Variants in MGAM2 observed in about 807,000 individuals in gnomAD.
MGAM2 encodes the protein maltase-glucoamylase 2 (putative).
MGAM2 carries 98 observed loss-of-function variants against 96.1 expected under a neutral mutation model. The observed-to-expected ratio is 1.02, with a 90% confidence interval of 0.87 to 1.21. The LOEUF (loss-of-function observed/expected upper bound fraction) is 1.21. Among genes scored for constraint, MGAM2 ranks in the 50% most tolerant of loss-of-function variants. MGAM2 has a pLI of 0.00. For missense variants in MGAM2, 2,055 were observed against 1,182.4 expected (o/e 1.74, Z -10.82); for synonymous variants, 749 against 414.8 (o/e 1.81, Z -9.79).
At chr7:142,118,742 AG>A (rs2129073936) in intron 2 of MGAM2, among the ~76,000 whole-genome samples, 1 of 152,338 alleles carries the variant, frequency 6.6e-6, no homozygotes, top group South Asian at 2.1e-4. Flanking sequence ...AAGAAAAAAC[AG>A]TAAGAAAAAA....
In MGAM2 at chr7:142,196,228, G is replaced by C. The variant is rs561493278; in HGVS notation, c.4421G>C (p.Gly1474Ala). 11 of 1,008,130 alleles carry C rather than the reference G, an allele frequency of 1.1e-5. No individual in the cohort carries two copies. In the African/African-American group the frequency reaches 1.6e-4, roughly 15 times the overall value. 62.4% of individuals were successfully genotyped at this position (1,008,130 alleles called of 1,614,324 possible). A position where few individuals can be genotyped will look rare whatever the true frequency, so the allele number is the denominator to read the frequency against. The change falls in exon 38 of 48, where the codon GGA becomes GCA. Residue 1474 changes from glycine to alanine, a missense_variant. Gly to Ala is a moderately conservative substitution (Grantham distance 60, BLOSUM62 0). Transcript: ENST00000477922. ...RSTFPSSGRW[G>A]GHRLGNNTAA... ...ACATTTCCCTCTTCTGGACGCTGGG[G>C]AGGACACCGGTTGGGAAACAACACA...
chr7:142,183,949 C>CTTT (rs1563281526), intron 33 of MGAM2, among the ~76,000 whole-genome samples: 6 of 83,196 alleles, frequency 7.2e-5, no homozygotes, highest in African/African-American at 1.5e-4. Context: ...ATTCCAGGCT[C>CTTT]CTTTTTTTTT....
Position 142,148,089 on chromosome 7 carries a change from ACACACACACATG to A in MGAM2, c.1634+526_1634+537del, listed in dbSNP as rs1795441618. On this transcript the variant is annotated intron_variant, in intron 15 of 47. Coordinates refer to ENST00000477922, the MANE Select transcript of MGAM2 (RefSeq NM_001293626.2). This position sits in a 1 kb window ranked among gnomAD's most constrained non-coding sequence, Gnocchi z 4.2. ...TCATAATTCTCCCTTCTGCCCTAAG[ACACACACACATG>A]CACACACACGTGCACACACAACTAT... 6.6e-6 allele frequency among the ~76,000 whole-genome samples: 1 copy of A among 151,912 alleles called. No individual in the cohort carries two copies. The highest frequency in any genetic ancestry group is 2.1e-4 in the South Asian group (1 of 4,808).
Position 142,185,115 on chromosome 7 carries a change from C to G in MGAM2, c.3963C>G (p.Ser1321=), listed in dbSNP as rs1444236211. 3 of 702,802 alleles carry G rather than the reference C, an allele frequency of 4.3e-6. No individual in the cohort carries two copies. In the South Asian group the frequency reaches 4.4e-5, roughly 10 times the overall value. The allele number at this position is 702,802 out of a possible 1,614,324, so 43.5% of individuals were successfully genotyped here. ...PDLPNVIVDG[S]LDHETQVKLY... is the part of the protein sequence containing the mutation. ...TGCCTAATGTAATTGTAGATGGATC[C>G]CTTGACCATGAAACTCAGGTTAAGG... Residue 1321 remains serine, a synonymous_variant, in exon 34 of 48, where the codon TCC becomes TCG. Coordinates refer to ENST00000477922, the MANE Select transcript of MGAM2 (RefSeq NM_001293626.2).
chr7:142,180,085 G>A (rs1415848598), intron 32 of MGAM2, among the ~76,000 whole-genome samples: 1 of 151,990 alleles, frequency 6.6e-6, no homozygotes, highest in African/African-American at 2.4e-5. Context: ...TCAGTCTTGG[G>A]AGGTTGTGTG....
intron 38 of MGAM2, 99 bp downstream of exon 38, chr7:142,196,386 G>T: frequency 1.5e-6 from 1 of 646,758 alleles, no homozygotes; most frequent in South Asian, 1.8e-5. Context: ...CATCTAGGTG[G>T]GTGGTAAAAT....
chr7:142,160,986 T>A, intron 21 of MGAM2, 139 bp from the exon 22 acceptor site: 1 of 541,276 alleles, frequency 1.8e-6, no homozygotes, highest in Non-Finnish European at 3.4e-6. Flanking sequence ...CCAGCTCCCA[T>A]GTGTCCACCC....
chr7:142,201,026 T>C (rs1344412894), intron 45 of MGAM2, among the ~76,000 whole-genome samples: 1 of 150,964 alleles, frequency 6.6e-6, no homozygotes, highest in Non-Finnish European at 1.5e-5. Context: ...AGAGAATATG[T>C]ACAGGTTGGT....
intron 2 of MGAM2, among the ~76,000 whole-genome samples, 181 bp downstream of exon 2, chr7:142,117,160 T>G (rs982050795): frequency 4.0e-4 from 61 of 152,330 alleles, no homozygotes; most frequent in African/African-American, 1.4e-3. Flanking sequence ...CACTGAAACC[T>G]TGAATGTTAG....
At chr7:142,185,861 C>T (rs2129095998) in intron 34 of MGAM2, 128 bp from the exon 35 acceptor site, 1 of 543,954 alleles carries the variant, frequency 1.8e-6, no homozygotes, top group Admixed American at 3.0e-5. Context: ...GTAAACTCTG[C>T]AACAGCAGCA....
chr7:142,147,513 G>C lies in MGAM2; in HGVS notation c.1574G>C (p.Gly525Ala). The C allele has an allele frequency of 1.4e-6, 1 of 702,876 alleles. No individual in the cohort carries two copies. The highest frequency in any genetic ancestry group is 2.6e-6 in the Non-Finnish European group (1 of 384,950). The allele number at this position is 702,876 out of a possible 1,614,324, so 43.5% of individuals were successfully genotyped here. Residue 525 changes from glycine to alanine, a missense_variant, in exon 15 of 48, where the codon GGG (glycine) becomes GCG (alanine). By Grantham distance (60) the Gly-to-Ala change is moderately conservative. Transcript: ENST00000477922. ...CTCTGCATGGACACGGAGTTTCATG[G>C]GGGCCTTCATTATGACATCCACAGC... ...RTLCMDTEFH[G>A]GLHYDIHSLY...
chr7:142,164,867 A>T lies in MGAM2; in HGVS notation c.2496A>T (p.Gln832His), dbSNP rs1302431532. Residue 832 changes from glutamine (Q) to histidine (H), a missense_variant, in exon 24 of 48, where the codon CAA becomes CAT. Transcript: ENST00000477922. The stretch of plus-strand genomic sequence containing the variant: ...TTTTCCCCTCCCAGAACCATCTACA[A>T]GCAAAGATTATAAATAATAATTATA... The part of the protein sequence containing the change: ...YDFSVTSNHL[Q>H]AKIINNNYMD... 1 of 697,052 alleles carries T rather than the reference A, an allele frequency of 1.4e-6. No individual in the cohort carries two copies. 43.2% of individuals were successfully genotyped at this position (697,052 alleles called of 1,614,324 possible). A position where few individuals can be genotyped will look rare whatever the true frequency, so the allele number is the denominator to read the frequency against.
intron 46 of MGAM2, among the ~76,000 whole-genome samples, chr7:142,210,248 C>G (rs946160130): frequency 3.3e-5 from 5 of 152,054 alleles, no homozygotes; most frequent in African/African-American, 1.2e-4. Context: ...CCCTGGGTTT[C>G]AAGCACAAAA....
chr7:142,147,622 T>G (rs532804106), intron 15 of MGAM2, 49 bp downstream of exon 15: 2 of 662,400 alleles, frequency 3.0e-6, no homozygotes, highest in East Asian at 5.4e-5. Flanking sequence ...AGGTGGGAGG[T>G]GGAGGTGGAG....
At position 142,222,231 on chromosome 7, in the gene MGAM2, A is replaced by C; in HGVS notation, c.*172A>C. On this transcript the variant is annotated 3_prime_UTR_variant, in exon 48 of 48. Transcript: ENST00000477922. Reference sequence around the variant, plus strand: ...ACTCCAAACACTCTCGTCATTGCAGACATGTTTAGGAAGGTTTACAAACCT... The same window carrying C: ...ACTCCAAACACTCTCGTCATTGCAGCCATGTTTAGGAAGGTTTACAAACCT... The C allele has an allele frequency of 2.5e-6, 1 of 392,594 alleles. No homozygotes were observed. The highest frequency in any genetic ancestry group is 3.6e-5 in the East Asian group (1 of 27,846). The allele number at this position is 392,594 out of a possible 1,614,324, so 24.3% of individuals were successfully genotyped here.
chr7:142,136,255 G>GT (rs1408336873), intron 7 of MGAM2, among the ~76,000 whole-genome samples: 1 of 152,082 alleles, frequency 6.6e-6, no homozygotes, highest in Non-Finnish European at 1.5e-5. Context: ...ATGGTTGTTT[G>GT]TGTCTGTTTC....
chr7:142,113,858 G>A (rs922976492), intron 1 of MGAM2, among the ~76,000 whole-genome samples: 6 of 152,172 alleles, frequency 3.9e-5, no homozygotes, highest in Admixed American at 2.0e-4. Context: ...AGGGCTGAGC[G>A]TGGTGCCTCA....
intron 13 of MGAM2, among the ~76,000 whole-genome samples, chr7:142,144,162 A>C (rs768555291): frequency 6.6e-6 from 1 of 152,170 alleles, no homozygotes; most frequent in Non-Finnish European, 1.5e-5. Flanking sequence ...ATACTGTTTT[A>C]TTAAAACAGT....
At chr7:142,119,568 C>T (rs926738575) in intron 2 of MGAM2, among the ~76,000 whole-genome samples, 6 of 152,116 alleles carry the variant, frequency 3.9e-5, no homozygotes, top group African/African-American at 1.4e-4. Flanking sequence ...ACCAAGAAAA[C>T]TGAAAACATA....
Sources: allele counts gnomAD v4.1 joint callset (sites outside exome capture counted in the v4.1 genomes callset), GRCh38; gene constraint gnomAD v4.1.1; non-coding constraint Gnocchi (gnomAD v3.1); transcripts MANE v1.5; gene names NCBI Gene and HGNC (gene_info 2026-07-23, HGNC 2026-07-21).